JARID2: variants seen among roughly 807,000 people sequenced by gnomAD.
JARID2 encodes jumonji and AT-rich interaction domain containing 2, also known as protein Jumonji.
JARID2 carries 21 observed loss-of-function variants against 125.6 expected under a neutral mutation model. The observed-to-expected ratio is 0.17, with a 90% CI of 0.12 to 0.24. The LOEUF (loss-of-function observed/expected upper bound fraction) is 0.24. JARID2 is among the 10% of genes least tolerant of loss of function. The pLI is 1.00. For missense variants in JARID2, 1,303 were observed against 1,639.6 expected (o/e 0.79, Z 3.55); for synonymous variants, 736 against 661.6 (o/e 1.11, Z -1.73).
intron 16 of JARID2, among the ~76,000 whole-genome samples, chr6:15,515,764 C>A (rs147869785): frequency 5.2e-4 from 73 of 139,834 alleles, no homozygotes; most frequent in South Asian, 2.1e-3. Flanking sequence ...AAAAAAAAAA[C>A]AAAAACAAAA....
chr6:15,296,105 T>G (rs1561776972), intron 1 of JARID2, among the ~76,000 whole-genome samples: 1 of 152,234 alleles, frequency 6.6e-6, no homozygotes, highest in South Asian at 2.1e-4. Flanking sequence ...TGATCTTGCT[T>G]CTTCTCAACC....
At chr6:15,393,951 A>G (rs1305824712) in intron 2 of JARID2, among the ~76,000 whole-genome samples, 5 of 152,140 alleles carry the variant, frequency 3.3e-5, no homozygotes, top group African/African-American at 1.2e-4. Flanking sequence ...TAAAGGCCCA[A>G]GTATCTAGAA....
intron 1 of JARID2, among the ~76,000 whole-genome samples, chr6:15,313,188 G>A (rs57019242): frequency 0.022 from 3,378 of 152,270 alleles, 121 homozygotes; most frequent in African/African-American, 0.076. Flanking sequence ...GGGAGAATAT[G>A]TTGACTTAGA....
intron 2 of JARID2, among the ~76,000 whole-genome samples, chr6:15,403,012 A>T (rs1765498752): frequency 6.6e-6 from 1 of 152,118 alleles, no homozygotes; most frequent in Admixed American, 6.5e-5. Flanking sequence ...CATTATTATT[A>T]TTCTAGGTAC....
chr6:15,340,644 G>A (rs1763036403), intron 1 of JARID2, among the ~76,000 whole-genome samples: 1 of 152,232 alleles, frequency 6.6e-6, no homozygotes, highest in Non-Finnish European at 1.5e-5. Context: ...GGACTTAGGA[G>A]CCCTGCTGGT....
intron 1 of JARID2, among the ~76,000 whole-genome samples, chr6:15,344,996 T>C (rs1271295401): frequency 6.6e-6 from 1 of 152,206 alleles, no homozygotes; most frequent in Non-Finnish European, 1.5e-5. Flanking sequence ...TGCAAAATCA[T>C]ATAATGCATG....
At chr6:15,442,640 GCC>G in intron 3 of JARID2, among the ~76,000 whole-genome samples, 1 of 152,202 alleles carries the variant, frequency 6.6e-6, no homozygotes, top group Admixed American at 6.5e-5. Flanking sequence ...GGCGCAGACA[GCC>G]TTCCATAGGT....
chr6:15,455,706 A>G (rs995707400), intron 4 of JARID2, among the ~76,000 whole-genome samples: 2 of 151,964 alleles, frequency 1.3e-5, no homozygotes, highest in Non-Finnish European at 2.9e-5. Context: ...TAATTTTTGT[A>G]TTTTTAGTAG....
At chr6:15,512,486 A>G (rs185523900) in intron 14 of JARID2, 96 bp downstream of exon 14, 331 of 1,110,184 alleles carry the variant, frequency 3.0e-4, no homozygotes, top group Admixed American at 1.2e-3. Flanking sequence ...GTGCGTGTCT[A>G]TTTGTCAATA....
At chr6:15,514,033 G>A (rs1315513729) in intron 16 of JARID2, among the ~76,000 whole-genome samples, 7 of 152,198 alleles carry the variant, frequency 4.6e-5, no homozygotes, top group African/African-American at 1.4e-4. Flanking sequence ...TTGCCTTCTC[G>A]ACTGTGCCCT....
intron 4 of JARID2, 99 bp from the exon 5 acceptor site, chr6:15,468,443 T>C: frequency 3.7e-6 from 4 of 1,079,306 alleles, no homozygotes; most frequent in Non-Finnish European, 5.2e-6. Flanking sequence ...GATCAGTTGC[T>C]TTGTTTTTTC....
chr6:15,519,789 T>C (rs1357565227), intron 17 of JARID2, among the ~76,000 whole-genome samples: 1 of 152,116 alleles, frequency 6.6e-6, no homozygotes, highest in African/African-American at 2.4e-5. Flanking sequence ...GGCAGTGCTC[T>C]GGGCTCCCCT....
intron 3 of JARID2, among the ~76,000 whole-genome samples, chr6:15,444,222 G>T (rs924226828): frequency 9.9e-5 from 15 of 152,142 alleles, no homozygotes; most frequent in African/African-American, 3.1e-4. Context: ...TCCCATTCTG[G>T]TAAATCAAAC....
chr6:15,456,095 C>G (rs1299297747), intron 4 of JARID2, among the ~76,000 whole-genome samples: 1 of 152,196 alleles, frequency 6.6e-6, no homozygotes, highest in Non-Finnish European at 1.5e-5. Context: ...AGAAACCCAT[C>G]AGGGAATGTC....
chr6:15,277,792 AAAC>A (rs5874504), intron 1 of JARID2, among the ~76,000 whole-genome samples: 43,903 of 147,322 alleles, frequency 0.3, 6,302 homozygotes, highest in East Asian at 0.48. Context: ...AAAAAAAAAA[AAAC>A]AGTCAAGGAT....
At chr6:15,488,557 T>C (rs1769994406) in intron 6 of JARID2, among the ~76,000 whole-genome samples, 1 of 152,196 alleles carries the variant, frequency 6.6e-6, no homozygotes. Flanking sequence ...GCTGGCAGTG[T>C]TGCAGAGTGA....
At chr6:15,379,617 C>A (rs1431423224) in intron 2 of JARID2, among the ~76,000 whole-genome samples, 1 of 152,066 alleles carries the variant, frequency 6.6e-6, no homozygotes, top group African/African-American at 2.4e-5. Context: ...TTTAAGGGAC[C>A]CTGGATTCAT....
chr6:15,471,301 T>G (rs1275623570), intron 5 of JARID2, among the ~76,000 whole-genome samples: 2 of 152,332 alleles, frequency 1.3e-5, no homozygotes, highest in Middle Eastern at 3.4e-3. Context: ...ATAAGTAAAG[T>G]TTTTGAAATA....
At chr6:15,475,797 T>C (rs1012983494) in intron 5 of JARID2, among the ~76,000 whole-genome samples, 1 of 152,214 alleles carries the variant, frequency 6.6e-6, no homozygotes, top group Non-Finnish European at 1.5e-5. Context: ...TACTCCCTCA[T>C]TTTTTGAAAA....
Sources: gnomAD v4.1 joint callset for allele counts (sites outside exome capture counted in the v4.1 genomes callset) on GRCh38, gnomAD v4.1.1 for gene constraint, MANE v1.5 for transcripts, NCBI Gene and HGNC (gene_info 2026-07-23, HGNC 2026-07-21) for gene names.